Variants in CCNF observed in about 807,000 individuals in gnomAD.
CCNF encodes cyclin F.
CCNF carries 30 observed loss-of-function variants against 85.4 expected under a neutral mutation model. The observed-to-expected ratio is 0.35, with a 90% CI of 0.26 to 0.48. The LOEUF (loss-of-function observed/expected upper bound fraction) is 0.48. Among genes scored for constraint, CCNF ranks in the 20% least tolerant of loss-of-function variants. The pLI, the probability that CCNF is intolerant of heterozygous loss-of-function variation, is 0.99. For missense variants in CCNF, 919 were observed against 1,010.4 expected, an observed-to-expected ratio of 0.91 and a Z score of 1.23; for synonymous variants, 439 against 425.1, an observed-to-expected ratio of 1.03 and a Z score of -0.40.
At chr16:2,441,124 C>T (rs1369029579) in intron 8 of CCNF, among the ~76,000 whole-genome samples, 4 of 152,010 alleles carry the variant, frequency 2.6e-5, no homozygotes, top group East Asian at 1.9e-4. Flanking sequence ...GTCCCAGCTA[C>T]GCGGGAGGCT....
chr16:2,449,637 C>A (rs150571268), intron 12 of CCNF, among the ~76,000 whole-genome samples, 175 bp downstream of exon 12: 2 of 152,132 alleles, frequency 1.3e-5, no homozygotes, highest in Non-Finnish European at 2.9e-5. Flanking sequence ...TGAGCCTGCA[C>A]GCCCTATGTA....
In CCNF at chr16:2,451,056, GC is replaced by G. The variant is rs2065392518; in HGVS notation, c.1487+1144del. Among the ~76,000 whole-genome samples the G allele has an allele frequency of 6.6e-6, 1 of 152,198 alleles. No homozygotes were observed. The highest frequency in any genetic ancestry group is 1.5e-5 in the Non-Finnish European group (1 of 68,038). ...CCTTCTCTCTGGTGAGCCTGGCCCG[GC>G]CCTCGCCACATCTAAGCCCCTTCAC... is the stretch of plus-strand genomic sequence containing the variant. On this transcript the variant is annotated intron_variant, in intron 13 of 16. Coordinates refer to ENST00000397066, the MANE Select transcript of CCNF (RefSeq NM_001761.3). The surrounding 1 kb of genome is among the most constrained non-coding windows in gnomAD (Gnocchi z 4.3).
chr16:2,438,719 G>A (rs1413553216), intron 6 of CCNF, among the ~76,000 whole-genome samples: 1 of 151,982 alleles, frequency 6.6e-6, no homozygotes, highest in Non-Finnish European at 1.5e-5. Flanking sequence ...AATAAGGGCC[G>A]GTCATGGTGG....
Position 2,445,489 on chromosome 16 carries a change from G to A in CCNF, c.961G>A (p.Ala321Thr). ...YILIDWLVEV[A>T]TMKDFTSLCL... is the part of the protein sequence containing the mutation. ...TCTGATCGACTGGCTGGTGGAAGTTGCCACCATGAAGGACTTCACAAGCCT... is the reference window on the plus strand; with the variant it reads ...TCTGATCGACTGGCTGGTGGAAGTTACCACCATGAAGGACTTCACAAGCCT... Residue 321 changes from alanine (A) to threonine (T), a missense_variant, in exon 10 of 17, where the codon GCC (alanine) becomes ACC (threonine). Ala to Thr is a moderately conservative substitution (Grantham distance 58). This residue lies in a region of CCNF where 410 missense variants were observed against 478.6 expected (regional missense o/e 0.86). Coordinates refer to ENST00000397066, the MANE Select transcript of CCNF (RefSeq NM_001761.3). The A allele has an allele frequency of 6.2e-7, 1 of 1,614,020 alleles. No individual in the cohort carries two copies. The highest frequency in any genetic ancestry group is 8.5e-7 in the Non-Finnish European group (1 of 1,180,038).
At position 2,435,860 on chromosome 16, in the gene CCNF, C is replaced by G. The variant is rs1287405455; in HGVS notation, c.333C>G (p.Leu111=). ...CTGTGAAGCTGGGCATAGCCTACCT[C>G]TACAATGAAGGCCGTAAGTCCTCAC... is the stretch of plus-strand genomic sequence containing the variant. The part of the protein sequence containing the change: ...EAAVKLGIAY[L]YNEGLSVSDE... Residue 111 remains leucine, a synonymous_variant, in exon 4 of 17, where the codon CTC becomes CTG. Coordinates refer to ENST00000397066, the MANE Select transcript of CCNF (RefSeq NM_001761.3). 2 of 1,613,190 alleles carry G rather than the reference C, an allele frequency of 1.2e-6. No homozygotes were observed. The highest frequency in any genetic ancestry group is 1.7e-6 in the Non-Finnish European group (2 of 1,179,416).
intron 6 of CCNF, 151 bp downstream of exon 6, chr16:2,438,274 C>T (rs928650420): frequency 6.1e-5 from 43 of 703,860 alleles, no homozygotes; most frequent in Non-Finnish European, 1.0e-4. Context: ...AGCCAGGGGA[C>T]ACATGTGGGC....
In CCNF at chr16:2,454,558, C is replaced by A. The variant is rs140822341; in HGVS notation, c.1716-837C>A. Among the ~76,000 whole-genome samples the A allele has an allele frequency of 6.1e-3, 930 of 152,338 alleles. 10 individuals carry two copies. The highest frequency in any genetic ancestry group is 0.021 in the African/African-American group (886 of 41,572). ...CACTGGGATAGCTCTCTCCACCCCC[C>A]GCCCTCCACCAGGCCCTGGGGTCAG... On this transcript the variant is annotated intron_variant, in intron 15 of 16. Coordinates refer to ENST00000397066, the MANE Select transcript of CCNF (RefSeq NM_001761.3).
chr16:2,431,400 C>A (rs936172404), intron 2 of CCNF, 116 bp downstream of exon 2: 1 of 1,108,240 alleles, frequency 9.0e-7, no homozygotes, highest in Non-Finnish European at 1.3e-6. Context: ...GGGCAGAGGC[C>A]AGGCACGGTG....
Position 2,439,473 on chromosome 16 carries a change from T to C in CCNF, c.699+16T>C. On this transcript the variant is annotated intron_variant, in intron 7 of 16. Coordinates refer to ENST00000397066, the MANE Select transcript of CCNF (RefSeq NM_001761.3). ...GAGGACAGATGTGAGTGGTGCCTGC[T>C]CTGGGTCGGGGGGAGTTATGCTGGA... The C allele has an allele frequency of 6.4e-7, 1 of 1,571,918 alleles. No homozygotes were observed. Among genetic ancestry groups the C allele is most frequent in the Non-Finnish European group, 8.7e-7 (1 of 1,146,492 alleles).
intron 8 of CCNF, 62 bp downstream of exon 8, chr16:2,439,888 G>A: frequency 2.1e-6 from 3 of 1,414,022 alleles, no homozygotes; most frequent in Non-Finnish European, 3.0e-6. Flanking sequence ...CTTGGGGCAG[G>A]ACTATCTGGG....
rs1190095726 is a variant in CCNF at position 2,458,359 on chromosome 16, C to T, written c.*1339C>T. On this transcript the variant is annotated 3_prime_UTR_variant, in exon 17 of 17. Transcript: ENST00000397066. ...CACTGTAACCTCCGCCTCCCGGATACTCCTGCCTCAGCCTCCTGGGTAGCT... is the reference window on the plus strand; with the variant it reads ...CACTGTAACCTCCGCCTCCCGGATATTCCTGCCTCAGCCTCCTGGGTAGCT... 1 of 151,468 alleles carries T rather than the reference C, an allele frequency of 6.6e-6. No homozygotes were observed. Among genetic ancestry groups the T allele is most frequent in the Non-Finnish European group, 1.5e-5 (1 of 67,964 alleles). The allele number at this position is 151,468 out of a possible 1,614,324, so 9.4% of individuals were successfully genotyped here.
intron 3 of CCNF, among the ~76,000 whole-genome samples, chr16:2,433,475 C>T (rs764819593): frequency 6.6e-6 from 1 of 152,236 alleles, no homozygotes; most frequent in African/African-American, 2.4e-5. Context: ...CACCCTGGCC[C>T]CTGTTCACAT....
intron 8 of CCNF, among the ~76,000 whole-genome samples, chr16:2,441,322 C>T (rs11643323): frequency 6.6e-6 from 1 of 151,928 alleles, no homozygotes; most frequent in Non-Finnish European, 1.5e-5. Context: ...CTTGAGCCTG[C>T]GAGGTCAAAG....
At position 2,443,858 on chromosome 16, in the gene CCNF, G is replaced by A. The variant is rs2065346201; in HGVS notation, c.929+58G>A. 6 of 1,544,476 alleles carry A rather than the reference G, an allele frequency of 3.9e-6. No individual in the cohort carries two copies. In the South Asian group the frequency reaches 5.7e-5, roughly 15 times the overall value. On this transcript the variant is annotated intron_variant, in intron 9 of 16. Coordinates refer to ENST00000397066, the MANE Select transcript of CCNF (RefSeq NM_001761.3). ...GCGGCGCGGAAGCCAGCCTCCAGGGGAAGGGAGCCCTTTCCACTTAACCCC... is the reference window on the plus strand; with the variant it reads ...GCGGCGCGGAAGCCAGCCTCCAGGGAAAGGGAGCCCTTTCCACTTAACCCC...
chr16:2,434,416 C>A (rs1250453600), intron 3 of CCNF, among the ~76,000 whole-genome samples: 1 of 152,206 alleles, frequency 6.6e-6, no homozygotes, highest in African/African-American at 2.4e-5. Context: ...AGTTTGAGAC[C>A]AGCCTGAGCA....
chr16:2,438,642 GAAAA>G (rs932243743), intron 6 of CCNF, among the ~76,000 whole-genome samples: 3 of 114,194 alleles, frequency 2.6e-5, no homozygotes, highest in Non-Finnish European at 5.6e-5. Flanking sequence ...CTCAGTCTCA[GAAAA>G]AAAAAAAAAA....
chr16:2,439,861 G>A (rs779318402), intron 8 of CCNF, 35 bp downstream of exon 8: 2 of 1,579,698 alleles, frequency 1.3e-6, no homozygotes, highest in South Asian at 2.2e-5. Context: ...TGGGGAGCTG[G>A]CCTTTCTCCC....
intron 10 of CCNF, among the ~76,000 whole-genome samples, chr16:2,446,430 C>T (rs2065362851): frequency 6.6e-6 from 1 of 152,268 alleles, no homozygotes; most frequent in African/African-American, 2.4e-5. Context: ...TCAGCAGCAG[C>T]GTGCGTCCTT....
chr16:2,447,271 T>A (rs1049689231), intron 10 of CCNF, among the ~76,000 whole-genome samples: 1 of 151,876 alleles, frequency 6.6e-6, no homozygotes, highest in Non-Finnish European at 1.5e-5. Flanking sequence ...CTCTGCCTTA[T>A]TATCTTTTTT....
Sources: allele counts gnomAD v4.1 joint callset (sites outside exome capture counted in the v4.1 genomes callset), GRCh38; gene constraint gnomAD v4.1.1; regional missense constraint gnomAD v4.1.1; non-coding constraint Gnocchi (gnomAD v3.1); transcripts MANE v1.5; gene names NCBI Gene and HGNC (gene_info 2026-07-23, HGNC 2026-07-21).